The following KCTD1 variants were observed in gnomAD, a reference collection of about 807,000 sequenced individuals.
KCTD1 encodes the protein BTB/POZ domain-containing protein KCTD1.
Under a neutral mutation model 66.0 loss-of-function variants are expected in KCTD1, and 24 were observed. That is an observed-to-expected ratio of 0.36 (90% CI 0.26 to 0.51). KCTD1 has a LOEUF of 0.51. KCTD1 is among the 20% of genes least tolerant of loss of function. KCTD1 has a pLI of 0.95. For synonymous variants in KCTD1, 511 were observed against 517.2 expected (o/e 0.99, Z 0.16); for missense variants, 943 against 1,205.2 (o/e 0.78, Z 3.22).
intron 1 of KCTD1, among the ~76,000 whole-genome samples, chr18:26,530,521 G>A (rs1984386178): frequency 6.6e-6 from 1 of 152,056 alleles, no homozygotes; most frequent in South Asian, 2.1e-4. Flanking sequence ...ATCCACAGAG[G>A]GCACAACCTA....
chr18:26,651,669 AGCTACTCAGGAG>A (rs1001738843), intron 1 of KCTD1, among the ~76,000 whole-genome samples: 4 of 151,770 alleles, frequency 2.6e-5, no homozygotes, highest in African/African-American at 9.7e-5. Flanking sequence ...CTGTAGTCCC[AGCTACTCAGGAG>A]GCTGAGACAG....
intron 1 of KCTD1, among the ~76,000 whole-genome samples, chr18:26,532,258 CTTCTTTTTTTTT>C (rs1555639627): frequency 6.6e-5 from 2 of 30,266 alleles, no homozygotes; most frequent in Non-Finnish European, 2.3e-4. Context: ...CTTTTCTTTC[CTTCTTTTTTTTT>C]TTTTTTTTTT....
At chr18:26,530,505 T>C (rs1984385519) in intron 1 of KCTD1, among the ~76,000 whole-genome samples, 1 of 152,164 alleles carries the variant, frequency 6.6e-6, no homozygotes, top group African/African-American at 2.4e-5. Flanking sequence ...GTCCTATCCC[T>C]CCCTCATCCA....
intron 1 of KCTD1, among the ~76,000 whole-genome samples, chr18:26,657,042 C>T (rs1377599306): frequency 1.3e-5 from 2 of 150,646 alleles, no homozygotes; most frequent in Non-Finnish European, 3.0e-5. Context: ...CCCAGAGATC[C>T]GGAAACCCGG....
intron 2 of KCTD1, among the ~76,000 whole-genome samples, chr18:26,489,130 T>C (rs1349988252): frequency 6.6e-6 from 1 of 152,230 alleles, no homozygotes; most frequent in East Asian, 1.9e-4. Context: ...GCTGGCTGCT[T>C]TGGGGACAAA....
chr18:26,517,845 G>C (rs1457913914), intron 1 of KCTD1, among the ~76,000 whole-genome samples: 1 of 152,198 alleles, frequency 6.6e-6, no homozygotes, highest in Non-Finnish European at 1.5e-5. Flanking sequence ...GTCTTTATCA[G>C]CAGCGTGAAA....
chr18:26,503,674 C>A (rs568696059), intron 1 of KCTD1, among the ~76,000 whole-genome samples: 1 of 152,288 alleles, frequency 6.6e-6, no homozygotes, highest in African/African-American at 2.4e-5. Flanking sequence ...ACTGTGACCT[C>A]ATTCAGCATG....
chr18:26,594,090 T>G (rs1986712092), intron 1 of KCTD1, among the ~76,000 whole-genome samples: 1 of 152,224 alleles, frequency 6.6e-6, no homozygotes, highest in African/African-American at 2.4e-5. Context: ...TTTACCATCT[T>G]GTTGAGCTTG....
chr18:26,472,594 A>C (rs959451188), intron 3 of KCTD1, among the ~76,000 whole-genome samples: 5 of 151,932 alleles, frequency 3.3e-5, no homozygotes, highest in African/African-American at 1.2e-4. Context: ...TTGTTCCCCC[A>C]CCTCTCCACA....
chr18:26,626,119 C>T (rs1987493494), intron 1 of KCTD1, among the ~76,000 whole-genome samples: 2 of 150,640 alleles, frequency 1.3e-5, no homozygotes, highest in African/African-American at 4.9e-5. Context: ...TGGATCCTTC[C>T]TTAATGGGAC....
intron 1 of KCTD1, among the ~76,000 whole-genome samples, chr18:26,616,796 G>A (rs995942063): frequency 6.6e-6 from 1 of 152,112 alleles, no homozygotes; most frequent in African/African-American, 2.4e-5. Context: ...GGGATTACAA[G>A]CATGAGCCAT....
At chr18:26,470,367 G>A (rs1029587402) in intron 3 of KCTD1, among the ~76,000 whole-genome samples, 1 of 152,228 alleles carries the variant, frequency 6.6e-6, no homozygotes. Context: ...GGGATCGTCT[G>A]ACAAGGACAG....
chr18:26,523,886 A>G (rs1324764430), intron 1 of KCTD1, among the ~76,000 whole-genome samples: 6 of 152,190 alleles, frequency 3.9e-5, no homozygotes, highest in Non-Finnish European at 8.8e-5. Flanking sequence ...CTGGTGCCGG[A>G]ATGATGACCT....
intron 3 of KCTD1, among the ~76,000 whole-genome samples, chr18:26,474,410 T>C (rs1374430509): frequency 3.9e-5 from 6 of 152,226 alleles, no homozygotes; most frequent in Non-Finnish European, 2.9e-5. Flanking sequence ...TACTGCTGAA[T>C]TGTCCTCCAA....
upstream of KCTD1, among the ~76,000 whole-genome samples, chr18:26,641,680 C>T (rs894136775): frequency 5.9e-5 from 9 of 151,960 alleles, no homozygotes; most frequent in Non-Finnish European, 1.0e-4. Flanking sequence ...TGTAGGTATT[C>T]ATTGATCTGA....
At chr18:26,651,799 A>AAGAAG (rs1555649804) in intron 1 of KCTD1, among the ~76,000 whole-genome samples, 25 of 117,146 alleles carry the variant, frequency 2.1e-4, no homozygotes, top group African/African-American at 8.5e-4. Context: ...AAAAAAAAAA[A>AAGAAG]AAGAAGAAGA....
chr18:26,521,879 C>G (rs1983930352), intron 1 of KCTD1, among the ~76,000 whole-genome samples: 1 of 152,116 alleles, frequency 6.6e-6, no homozygotes, highest in Non-Finnish European at 1.5e-5. Flanking sequence ...CGAAAACGGT[C>G]TATACCTTAA....
intron 1 of KCTD1, among the ~76,000 whole-genome samples, chr18:26,555,676 T>A (rs960853195): frequency 6.6e-6 from 1 of 152,198 alleles, no homozygotes; most frequent in Admixed American, 6.5e-5. Flanking sequence ...TTATACTGTC[T>A]TAGAGACCTC....
intron 1 of KCTD1, among the ~76,000 whole-genome samples, chr18:26,540,977 T>C (rs928493658): frequency 6.6e-6 from 1 of 152,184 alleles, no homozygotes; most frequent in Admixed American, 6.5e-5. Context: ...AAGAGCATTT[T>C]CAAGTGGCAT....
Sources: gnomAD v4.1 joint callset for allele counts (sites outside exome capture counted in the v4.1 genomes callset) on GRCh38, gnomAD v4.1.1 for gene constraint, MANE v1.5 for transcripts, NCBI Gene and HGNC (gene_info 2026-07-23, HGNC 2026-07-21) for gene names.